The following PCDH15 variants were observed in gnomAD, a reference collection of about 807,000 sequenced individuals.
The protein encoded by PCDH15 is protocadherin related 15.
Under a neutral mutation model 178.5 loss-of-function variants are expected in PCDH15, and 129 were observed. The observed-to-expected ratio is 0.72, with a 90% confidence interval of 0.63 to 0.84. PCDH15 has a LOEUF of 0.84. PCDH15 is among the 40% of genes least tolerant of loss of function. The pLI is 0.00. For missense variants in PCDH15, 2,230 were observed against 2,099.9 expected (o/e 1.06, Z -1.21); for synonymous variants, 800 against 732.0 (o/e 1.09, Z -1.50).
At chr10:55,604,321 C>A (rs1163039468) in intron 2 of PCDH15, among the ~76,000 whole-genome samples, 1 of 138,578 alleles carries the variant, frequency 7.2e-6, no homozygotes, top group South Asian at 2.6e-4. Flanking sequence ...CCACTGTCAA[C>A]ATTAGACAGA....
At chr10:55,077,480 C>G (rs1270344403) in intron 2 of PCDH15, among the ~76,000 whole-genome samples, 3 of 145,588 alleles carry the variant, frequency 2.1e-5, no homozygotes, top group Non-Finnish European at 3.0e-5. Context: ...TTCCTTCTTT[C>G]CTTTCCTTCC....
chr10:54,518,339 A>G (rs1237806276), intron 3 of PCDH15, among the ~76,000 whole-genome samples: 1 of 151,408 alleles, frequency 6.6e-6, no homozygotes, highest in Admixed American at 6.6e-5. Context: ...AAAAAAAGAG[A>G]GAAGAATCAA....
chr10:55,600,770 G>A (rs1843059055), intron 2 of PCDH15, among the ~76,000 whole-genome samples: 1 of 152,062 alleles, frequency 6.6e-6, no homozygotes, highest in Non-Finnish European at 1.5e-5. Context: ...TATGCTATTG[G>A]TTACTGAGTG....
At chr10:55,165,112 C>A (rs2132117113) in intron 2 of PCDH15, among the ~76,000 whole-genome samples, 1 of 152,136 alleles carries the variant, frequency 6.6e-6, no homozygotes, top group East Asian at 1.9e-4. Flanking sequence ...CATAAACTCA[C>A]CTGAACTCTA....
chr10:55,500,838 T>C (rs1840641509), intron 2 of PCDH15, among the ~76,000 whole-genome samples: 1 of 151,804 alleles, frequency 6.6e-6, no homozygotes, highest in South Asian at 2.1e-4. Context: ...TAATACATAT[T>C]TGTTAATATT....
chr10:54,934,003 T>C (rs1837844996), intron 2 of PCDH15, among the ~76,000 whole-genome samples: 2 of 152,152 alleles, frequency 1.3e-5, no homozygotes, highest in Admixed American at 1.3e-4. Context: ...TGAATTAAGA[T>C]ATAGAGACAC....
At chr10:54,859,207 C>T (rs1156746533) in intron 3 of PCDH15, among the ~76,000 whole-genome samples, 1 of 152,084 alleles carries the variant, frequency 6.6e-6, no homozygotes, top group South Asian at 2.1e-4. Flanking sequence ...TGTAAAGACA[C>T]TTTAATAACT....
intron 26 of PCDH15, among the ~76,000 whole-genome samples, chr10:53,878,362 C>A (rs2080421709): frequency 7.0e-6 from 1 of 143,720 alleles, no homozygotes; most frequent in East Asian, 2.0e-4. Flanking sequence ...TATATATACT[C>A]ATATAATATA....
intron 8 of PCDH15, among the ~76,000 whole-genome samples, chr10:54,290,199 A>G (rs976018223): frequency 1.3e-5 from 2 of 152,238 alleles, no homozygotes; most frequent in African/African-American, 4.8e-5. Flanking sequence ...TGGGTCTCTC[A>G]GCAGAAACCC....
At chr10:55,156,702 TG>T (rs1424056812) in intron 2 of PCDH15, among the ~76,000 whole-genome samples, 1 of 152,114 alleles carries the variant, frequency 6.6e-6, no homozygotes, top group Non-Finnish European at 1.5e-5. Context: ...ACTGTGATTA[TG>T]GGTAAGATGA....
At chr10:54,283,298 C>T (rs1192287324) in intron 8 of PCDH15, among the ~76,000 whole-genome samples, 3 of 152,120 alleles carry the variant, frequency 2.0e-5, no homozygotes, top group Non-Finnish European at 4.4e-5. Context: ...TTCCCATACA[C>T]GCTCCTGTTA....
chr10:55,285,074 T>C (rs1842833338), intron 1 of PCDH15, among the ~76,000 whole-genome samples: 1 of 151,362 alleles, frequency 6.6e-6, no homozygotes, highest in Non-Finnish European at 1.5e-5. Context: ...CTGAAGATAT[T>C]GAGCTTTCCA....
upstream of PCDH15, among the ~76,000 whole-genome samples, chr10:55,321,295 T>C (rs1025119716): frequency 6.6e-6 from 1 of 151,990 alleles, no homozygotes; most frequent in Admixed American, 6.6e-5. Flanking sequence ...AGACAAACAT[T>C]TTTAAAAAAT....
At chr10:54,409,857 C>T (rs1953228923) in intron 3 of PCDH15, among the ~76,000 whole-genome samples, 1 of 152,064 alleles carries the variant, frequency 6.6e-6, no homozygotes, top group African/African-American at 2.4e-5. Flanking sequence ...CTCTTGCCCT[C>T]TCACTATGTG....
chr10:54,569,867 G>T (rs1018505282), intron 2 of PCDH15, among the ~76,000 whole-genome samples: 1 of 152,054 alleles, frequency 6.6e-6, no homozygotes, highest in South Asian at 2.1e-4. Context: ...AAGATTTCTC[G>T]TAGGTGGTGT....
intron 1 of PCDH15, among the ~76,000 whole-genome samples, chr10:54,696,883 G>T (rs1284020879): frequency 6.6e-6 from 1 of 152,052 alleles, no homozygotes; most frequent in Non-Finnish European, 1.5e-5. Flanking sequence ...TTTTATCTAT[G>T]TATGTGTATT....
At chr10:54,459,673 G>A (rs2077050352) in intron 3 of PCDH15, among the ~76,000 whole-genome samples, 4 of 152,022 alleles carry the variant, frequency 2.6e-5, no homozygotes, top group Non-Finnish European at 4.4e-5. Context: ...TGAAAACATC[G>A]TTTCCAAGAA....
chr10:55,513,221 T>G (rs1840929460), intron 2 of PCDH15: 1 of 152,128 alleles, frequency 6.6e-6, no homozygotes, highest in Non-Finnish European at 1.5e-5. Context: ...AAAAGGCTAG[T>G]GTTTTCTGTA....
chr10:54,356,554 T>A (rs946189721), intron 5 of PCDH15, among the ~76,000 whole-genome samples: 10 of 151,774 alleles, frequency 6.6e-5, no homozygotes, highest in African/African-American at 2.4e-4. Context: ...GACATACTTA[T>A]ATATACATAT....
Sources: gnomAD v4.1 joint callset for allele counts (sites outside exome capture counted in the v4.1 genomes callset) on GRCh38, gnomAD v4.1.1 for gene constraint, MANE v1.5 for transcripts, NCBI Gene and HGNC (gene_info 2026-07-23, HGNC 2026-07-21) for gene names.